FAM151B: variants seen among roughly 807,000 people sequenced by gnomAD.
FAM151B encodes family with sequence similarity 151 member B.
FAM151B carries 24 observed loss-of-function variants against 31.2 expected under a neutral mutation model. The observed-to-expected ratio is 0.77, with a 90% CI of 0.56 to 1.08. The LOEUF is 1.08. FAM151B is among the 50% of genes least tolerant of loss of function. The probability of loss-of-function intolerance (pLI) is 0.00; values close to 1 mark genes in which losing one functional copy is unlikely to be tolerated. For missense variants in FAM151B, 293 were observed against 328.6 expected (o/e 0.89, Z 0.84); for synonymous variants, 105 against 111.4 (o/e 0.94, Z 0.36).
intron 2 of FAM151B, among the ~76,000 whole-genome samples, chr5:80,509,945 A>C (rs1031747811): frequency 3.3e-5 from 5 of 152,210 alleles, no homozygotes; most frequent in African/African-American, 1.2e-4. Context: ...TCAAGCTTCC[A>C]GTAAGAATTT....
chr5:80,507,016 G>A (rs1034845592), intron 2 of FAM151B, among the ~76,000 whole-genome samples: 3 of 151,814 alleles, frequency 2.0e-5, no homozygotes, highest in African/African-American at 7.3e-5. Context: ...CTATTTGGGA[G>A]GCTGAGGCAG....
In FAM151B at chr5:80,514,649, G is replaced by A. The variant is rs1326018299; in HGVS notation, c.317+880G>A. 3.9e-5 allele frequency among the ~76,000 whole-genome samples: 6 copies of A among 152,100 alleles called. 1 individual carries two copies. In the East Asian group the frequency reaches 9.7e-4, roughly 24 times the overall value. On this transcript the variant is annotated intron_variant, in intron 3 of 5. Coordinates refer to ENST00000282226, the MANE Select transcript of FAM151B (RefSeq NM_205548.3). The stretch of plus-strand genomic sequence containing the variant: ...TGATAAAGAAAGCCAGAAATATACA[G>A]CAACACTTCAGAAGCACACTGTAAA...
chr5:80,520,817 T>G (rs1393727384), intron 4 of FAM151B, among the ~76,000 whole-genome samples: 1 of 149,632 alleles, frequency 6.7e-6, no homozygotes, highest in African/African-American at 2.4e-5. Flanking sequence ...CATGTGGTTT[T>G]TTTTTTTTTT....
At chr5:80,513,081 G>A (rs1377428474) in intron 2 of FAM151B, among the ~76,000 whole-genome samples, 1 of 152,182 alleles carries the variant, frequency 6.6e-6, no homozygotes, top group Non-Finnish European at 1.5e-5. Flanking sequence ...GAGTCAGTCT[G>A]TCACAGCCTG....
Position 80,522,074 on chromosome 5 carries a change from G to T in FAM151B, c.607G>T (p.Val203Phe). The change falls in exon 5 of 6, where the codon GTC (valine) becomes TTC (phenylalanine). Residue 203 changes from valine (V) to phenylalanine (F), a missense_variant. Coordinates refer to ENST00000282226, the MANE Select transcript of FAM151B (RefSeq NM_205548.3). ...ACTAAGTCAGCCTGTAACGTTCCCT[G>T]TCAGAGCAGCATTAGTCAGGCAGTC... is the stretch of plus-strand genomic sequence containing the variant. ...NELSQPVTFP[V>F]RAALVRQSCS... 6.2e-7 allele frequency: 1 copy of T among 1,613,234 alleles called. No individual in the cohort carries two copies.
At chr5:80,519,664 A>G (rs1744610817) in intron 3 of FAM151B, 29 bp from the exon 4 acceptor site, 2 of 1,590,868 alleles carry the variant, frequency 1.3e-6, no homozygotes, top group East Asian at 2.2e-5. Flanking sequence ...TAAAGAATCT[A>G]TCTCATTGAC....
intron 5 of FAM151B, among the ~76,000 whole-genome samples, chr5:80,533,309 G>A (rs77872934): frequency 0.12 from 18,766 of 150,594 alleles, 1,410 homozygotes; most frequent in Middle Eastern, 0.25. Flanking sequence ...CCTGGGAGGC[G>A]GAGCTTGCAG....
chr5:80,502,901 C>T (rs1319919399), intron 2 of FAM151B, among the ~76,000 whole-genome samples: 1 of 152,158 alleles, frequency 6.6e-6, no homozygotes, highest in Non-Finnish European at 1.5e-5. Flanking sequence ...ATAATAACTA[C>T]ACAGTGATTA....
chr5:80,504,191 C>T (rs1225082614), intron 2 of FAM151B, among the ~76,000 whole-genome samples: 1 of 152,202 alleles, frequency 6.6e-6, no homozygotes, highest in Admixed American at 6.5e-5. Flanking sequence ...AATGGCACCA[C>T]AATCTACTTA....
At chr5:80,496,786 C>A (rs1188740644) in intron 1 of FAM151B, among the ~76,000 whole-genome samples, 1 of 142,730 alleles carries the variant, frequency 7.0e-6, no homozygotes, top group South Asian at 2.3e-4. Context: ...GGGAACTTTG[C>A]TCTTTTTGCT....
intron 1 of FAM151B, 113 bp downstream of exon 1, chr5:80,488,261 C>A: frequency 7.5e-7 from 1 of 1,330,786 alleles, no homozygotes; most frequent in Non-Finnish European, 1.0e-6. Flanking sequence ...GACCTGGGAG[C>A]GCGCCGCGCA....
At chr5:80,540,695 A>G (rs1459147289) in intron 5 of FAM151B, among the ~76,000 whole-genome samples, 2 of 152,248 alleles carry the variant, frequency 1.3e-5, no homozygotes, top group African/African-American at 4.8e-5. Context: ...AGCAAAAAAT[A>G]TAGGTTTCAG....
chr5:80,500,449 G>C, intron 1 of FAM151B: 3 of 999,840 alleles, frequency 3.0e-6, no homozygotes, highest in Middle Eastern at 2.2e-4. Flanking sequence ...TTACCCAAAA[G>C]ATGCTTTGAA....
At chr5:80,513,482 C>A in intron 2 of FAM151B, 122 bp from the exon 3 acceptor site, 1 of 899,010 alleles carries the variant, frequency 1.1e-6, no homozygotes, top group Non-Finnish European at 1.6e-6. Context: ...GATAATCGCT[C>A]ACTGAGTGTT....
chr5:80,501,465 G>GA lies in FAM151B; in HGVS notation c.26-306dup, dbSNP rs34586243. On this transcript the variant is annotated intron_variant, in intron 1 of 5. Transcript: ENST00000282226. ...AGTAAACAGTACCTGCTCTCAAATTGAAAAAAAAAAAAAAAAAAAAAGATG... is the reference window on the plus strand; with the variant it reads ...AGTAAACAGTACCTGCTCTCAAATTGAAAAAAAAAAAAAAAAAAAAAAGATG... The GA allele has an allele frequency of 3.9e-3, 334 of 85,342 alleles. 2 individuals are homozygous for GA. The highest frequency in any genetic ancestry group is 0.01 in the South Asian group (41 of 3,942). The allele number at this position is 85,342 out of a possible 1,614,324, so 5.3% of individuals were successfully genotyped here.
chr5:80,498,996 A>G (rs1580413611), intron 1 of FAM151B: 1 of 189,812 alleles, frequency 5.3e-6, no homozygotes, highest in African/African-American at 2.4e-5. Context: ...TGGCAGCTCC[A>G]CCACAGATGG....
chr5:80,490,051 CAT>C (rs1554055217), intron 1 of FAM151B, among the ~76,000 whole-genome samples: 1 of 149,816 alleles, frequency 6.7e-6, no homozygotes, highest in Non-Finnish European at 1.5e-5. Flanking sequence ...CACACACACA[CAT>C]TCTCAACATA....
At chr5:80,517,615 A>T (rs1174810585) in intron 3 of FAM151B, among the ~76,000 whole-genome samples, 1 of 152,196 alleles carries the variant, frequency 6.6e-6, no homozygotes, top group South Asian at 2.1e-4. Context: ...TACATTAGTG[A>T]TAATTAAAAT....
intron 1 of FAM151B, among the ~76,000 whole-genome samples, chr5:80,493,770 T>G (rs571183775): frequency 6.6e-6 from 1 of 152,314 alleles, no homozygotes; most frequent in African/African-American, 2.4e-5. Context: ...TGTTTCCTGT[T>G]AAGATGTTTA....
Sources: allele counts gnomAD v4.1 joint callset (sites outside exome capture counted in the v4.1 genomes callset), GRCh38; gene constraint gnomAD v4.1.1; transcripts MANE v1.5; gene names NCBI Gene and HGNC (gene_info 2026-07-23, HGNC 2026-07-21).